Variants in EPB41L4A observed in about 807,000 individuals in gnomAD.
EPB41L4A encodes erythrocyte membrane protein band 4.1 like 4A, also known as band 4.1-like protein 4A.
Under a neutral mutation model 108.6 loss-of-function variants are expected in EPB41L4A, and 100 were observed. That is an observed-to-expected ratio of 0.92 (90% confidence interval 0.78 to 1.09). The LOEUF (loss-of-function observed/expected upper bound fraction) is 1.09, where lower values mean the gene tolerates loss of function less well. EPB41L4A is among the 50% of genes least tolerant of loss of function. The pLI is 0.00. For synonymous variants in EPB41L4A, 319 were observed against 289.0 expected (o/e 1.10, Z -1.05); for missense variants, 1,030 against 842.7 (o/e 1.22, Z -2.75).
At chr5:112,272,009 C>A (rs1283178691) in intron 4 of EPB41L4A, among the ~76,000 whole-genome samples, 1 of 152,132 alleles carries the variant, frequency 6.6e-6, no homozygotes, top group African/African-American at 2.4e-5. Context: ...TTTTCATAAT[C>A]TGAAACTTTA....
At chr5:112,225,256 C>T (rs78340125) in intron 12 of EPB41L4A, among the ~76,000 whole-genome samples, 15,364 of 152,228 alleles carry the variant, frequency 0.1, 890 homozygotes, top group South Asian at 0.13. Flanking sequence ...AATGGAGCAC[C>T]CTCTGGCTTG....
In EPB41L4A at chr5:112,292,699, G is replaced by A. The variant is rs971116944; in HGVS notation, c.205-12376C>T. Among the ~76,000 whole-genome samples the A allele has an allele frequency of 5.3e-5, 8 of 152,150 alleles. No homozygotes were observed. In the South Asian group the frequency reaches 8.3e-4, roughly 16 times the overall value. ...TATTAGTAGGCTACTGACACATCAC[G>A]ATTAAACTGTTTATTATATTCAAGG... On this transcript the variant is annotated intron_variant, in intron 2 of 22. Transcript: ENST00000261486.
chr5:112,279,064 CAAAAAAAA>C (rs60463391), intron 3 of EPB41L4A, among the ~76,000 whole-genome samples: 1 of 76,902 alleles, frequency 1.3e-5, no homozygotes, highest in Non-Finnish European at 2.6e-5. Context: ...GATACCGTCT[CAAAAAAAA>C]AAAAAAAAAA....
rs147811167 is a variant in EPB41L4A at position 112,319,137 on chromosome 5, A to G, written c.100-11647T>C. Among the ~76,000 whole-genome samples the G allele has an allele frequency of 2.0e-4, 30 of 152,336 alleles. 1 individual carries two copies. The East Asian group carries it at 5.6e-3, about 28-fold the overall frequency. Reference sequence around the variant, plus strand: ...GAGACAGGAAAGTACAAGGCCTGAAATAACTTACTGCACCAAAAATGGAAA... The same window carrying G: ...GAGACAGGAAAGTACAAGGCCTGAAGTAACTTACTGCACCAAAAATGGAAA... On this transcript the variant is annotated intron_variant, in intron 1 of 22. Coordinates refer to ENST00000261486, the MANE Select transcript of EPB41L4A (RefSeq NM_022140.5).
intron 1 of EPB41L4A, among the ~76,000 whole-genome samples, chr5:112,398,684 C>T (rs1761539905): frequency 6.6e-6 from 1 of 152,140 alleles, no homozygotes; most frequent in Non-Finnish European, 1.5e-5. Flanking sequence ...AACCACCATG[C>T]CCAGCCTAGA....
downstream of EPB41L4A, chr5:112,161,760 T>A (rs1310711559): frequency 2.5e-6 from 1 of 406,120 alleles, no homozygotes; most frequent in Non-Finnish European, 4.9e-6. Flanking sequence ...TCTGGGAGCA[T>A]AAAGGTGACC....
chr5:112,231,153 C>G (rs1408807560), intron 12 of EPB41L4A, among the ~76,000 whole-genome samples: 1 of 152,018 alleles, frequency 6.6e-6, no homozygotes, highest in Non-Finnish European at 1.5e-5. Context: ...CTTAAATATC[C>G]AAGAATTAAA....
Position 112,195,651 on chromosome 5 carries a change from G to C in EPB41L4A, c.1424+10C>G. On this transcript the variant is annotated intron_variant, in intron 16 of 22. Coordinates refer to ENST00000261486, the MANE Select transcript of EPB41L4A (RefSeq NM_022140.5). ...TCCCTCTGACTGTCCTTCCATTTTT[G>C]TTTTTTTACCTCCTCCTTTGCTTAA... 6.2e-7 allele frequency: 1 copy of C among 1,610,274 alleles called. No homozygotes were observed. Among genetic ancestry groups the C allele is most frequent in the Non-Finnish European group, 8.5e-7 (1 of 1,177,160 alleles).
intron 1 of EPB41L4A, among the ~76,000 whole-genome samples, chr5:112,336,239 G>C (rs939115201): frequency 2.0e-5 from 3 of 152,204 alleles, no homozygotes; most frequent in African/African-American, 7.2e-5. Flanking sequence ...TAAGACCAAA[G>C]ATGGATGGGG....
intron 15 of EPB41L4A, among the ~76,000 whole-genome samples, chr5:112,199,540 T>C (rs1762120684): frequency 1.3e-5 from 2 of 152,180 alleles, no homozygotes; most frequent in South Asian, 2.1e-4. Context: ...TCAAGTAACA[T>C]ACTTAAGATT....
chr5:112,204,348 C>T, intron 15 of EPB41L4A, 27 bp downstream of exon 15: 1 of 1,492,056 alleles, frequency 6.7e-7, no homozygotes, highest in Non-Finnish European at 9.4e-7. Context: ...TTGAAAGCTG[C>T]TAACAGAGAG....
chr5:112,254,511 A>G (rs1331549771), intron 9 of EPB41L4A, among the ~76,000 whole-genome samples: 2 of 152,040 alleles, frequency 1.3e-5, no homozygotes, highest in Non-Finnish European at 2.9e-5. Flanking sequence ...TGTAACACCC[A>G]ATTTCCCCGC....
chr5:112,266,873 C>T (rs11241159), intron 4 of EPB41L4A, among the ~76,000 whole-genome samples: 98,815 of 152,114 alleles, frequency 0.65, 32,664 homozygotes, highest in African/African-American at 0.73. Context: ...CTAAACACTA[C>T]ACGGTAACTC....
intron 9 of EPB41L4A, among the ~76,000 whole-genome samples, chr5:112,258,903 C>T (rs1046841557): frequency 6.6e-6 from 1 of 152,202 alleles, no homozygotes; most frequent in African/African-American, 2.4e-5. Flanking sequence ...CTATACCCTT[C>T]TGATTATAAC....
rs76457197 is a variant in EPB41L4A at position 112,247,543 on chromosome 5, T to A, written c.796-6733A>T. On this transcript the variant is annotated intron_variant, in intron 9 of 22. Transcript: ENST00000261486. ...GAATGACTTCTCTGTGACATAGACA[T>A]TTTTACATTTTTAGCAAAATCATCC... Among the ~76,000 whole-genome samples, 880 of 152,292 alleles carry A rather than the reference T, an allele frequency of 5.8e-3. 3 individuals are homozygous for A. The highest frequency in any genetic ancestry group is 0.01 in the Middle Eastern group (3 of 294).
chr5:112,287,333 T>C (rs935799414), intron 2 of EPB41L4A, among the ~76,000 whole-genome samples: 2 of 152,226 alleles, frequency 1.3e-5, no homozygotes, highest in South Asian at 2.1e-4. Context: ...CACTTTTCCA[T>C]TGGTTCCAGT....
rs567248990 is a variant in EPB41L4A, at chr5:112,224,681, G to A, written c.1087+9953C>T. Among the ~76,000 whole-genome samples the A allele has an allele frequency of 1.1e-4, 16 of 152,100 alleles. 1 individual carries two copies. Among genetic ancestry groups the A allele is most frequent in the African/African-American group, 2.4e-4 (10 of 41,496 alleles). On this transcript the variant is annotated intron_variant, in intron 12 of 22. Coordinates refer to ENST00000261486, the MANE Select transcript of EPB41L4A (RefSeq NM_022140.5). ...AGCTCCCCTACCACCCCACTAAGTC[G>A]CTTCTCAATTAAATGGCTTAAATAA...
chr5:112,154,365 T>C (rs1042901307), intron 12 of EPB41L4A, among the ~76,000 whole-genome samples: 1 of 152,228 alleles, frequency 6.6e-6, no homozygotes, highest in Non-Finnish European at 1.5e-5. Context: ...AATGTATTTT[T>C]TGTACTTTGG....
chr5:112,324,137 T>C (rs1218249775), intron 1 of EPB41L4A, among the ~76,000 whole-genome samples: 2 of 152,216 alleles, frequency 1.3e-5, no homozygotes, highest in South Asian at 4.2e-4. Context: ...GAGGCCAACA[T>C]AAGCAGGAAT....
Sources: gnomAD v4.1 joint callset for allele counts (sites outside exome capture counted in the v4.1 genomes callset) on GRCh38, gnomAD v4.1.1 for gene constraint, MANE v1.5 for transcripts, NCBI Gene and HGNC (gene_info 2026-07-23, HGNC 2026-07-21) for gene names.